Variants in DNAH12 observed in about 807,000 individuals in gnomAD.
DNAH12 encodes the protein dynein axonemal heavy chain 12, also known as axonemal beta dynein heavy chain 12.
DNAH12 carries 285 observed loss-of-function variants against 371.5 expected under a neutral mutation model. The ratio of observed to expected loss-of-function variants is 0.77; its 90% CI spans 0.70 to 0.85. The LOEUF (loss-of-function observed/expected upper bound fraction) is 0.85. DNAH12 is among the 40% of genes least tolerant of loss of function. The pLI is 0.00. For missense variants in DNAH12, 3,611 were observed against 3,689.4 expected, an observed-to-expected ratio of 0.98 and a Z score of 0.55; for synonymous variants, 1,200 against 1,213.0, an observed-to-expected ratio of 0.99 and a Z score of 0.22.
intron 38 of DNAH12, 118 bp from the exon 39 acceptor site, chr3:57,414,030 T>G (rs1286635819): frequency 7.3e-6 from 7 of 961,416 alleles, no homozygotes; most frequent in South Asian, 3.6e-5. Flanking sequence ...CCATGGGATT[T>G]TTACCAGTAA....
chr3:57,415,606 AG>A, intron 37 of DNAH12, 42 bp from the exon 38 acceptor site: 1 of 1,499,728 alleles, frequency 6.7e-7, no homozygotes, highest in Non-Finnish European at 8.9e-7. Context: ...ATGGAAAAAA[AG>A]TCAGAATACA....
intron 43 of DNAH12, among the ~76,000 whole-genome samples, chr3:57,403,057 A>T (rs1323667727): frequency 6.6e-6 from 1 of 152,176 alleles, no homozygotes; most frequent in Non-Finnish European, 1.5e-5. Flanking sequence ...AGCTTCGGTA[A>T]AACACAGAGA....
chr3:57,393,226 G>A (rs1440964314), intron 44 of DNAH12, among the ~76,000 whole-genome samples: 1 of 152,196 alleles, frequency 6.6e-6, no homozygotes, highest in African/African-American at 2.4e-5. Context: ...CACTCCAGAT[G>A]TTATGGCTGG....
chr3:57,530,385 T>C, intron 2 of DNAH12: 1 of 528,536 alleles, frequency 1.9e-6, no homozygotes, highest in Non-Finnish European at 3.5e-6. Flanking sequence ...AAGATAAAAC[T>C]CCAACTCCCA....
At chr3:57,461,387 T>TA in intron 19 of DNAH12, 102 bp downstream of exon 19, 1 of 1,137,554 alleles carries the variant, frequency 8.8e-7, no homozygotes. Flanking sequence ...AATAAACACT[T>TA]AAAAAACCAT....
In DNAH12 at chr3:57,305,284, C is replaced by T. The variant is rs147129103; in HGVS notation, c.11190-3345G>A. On this transcript the variant is annotated intron_variant, in intron 69 of 73. Coordinates refer to ENST00000495027, the MANE Select transcript of DNAH12 (RefSeq NM_001366028.2). ...CTCTCCCCTCAATCCCAACCCCAAGCGTCGCTGAGTCTTTCTAATCTTCCT... is the reference window on the plus strand; with the variant it reads ...CTCTCCCCTCAATCCCAACCCCAAGTGTCGCTGAGTCTTTCTAATCTTCCT... 1.0e-3 allele frequency among the ~76,000 whole-genome samples: 152 copies of T among 152,140 alleles called. 1 individual carries two copies. Among genetic ancestry groups the T allele is most frequent in the African/African-American group, 3.2e-3 (131 of 41,514 alleles).
chr3:57,434,131 G>C (rs2065045868), intron 30 of DNAH12, among the ~76,000 whole-genome samples: 2 of 152,108 alleles, frequency 1.3e-5, no homozygotes, highest in Admixed American at 6.6e-5. Flanking sequence ...GGAGAGAACT[G>C]GGAAAGATTT....
At chr3:57,312,606 G>A (rs980692756) in intron 66 of DNAH12, among the ~76,000 whole-genome samples, 1 of 152,202 alleles carries the variant, frequency 6.6e-6, no homozygotes, top group African/African-American at 2.4e-5. Context: ...AGTTTCCAAT[G>A]TTGGGGCTAG....
At chr3:57,350,352 A>G (rs189249281) in intron 60 of DNAH12, among the ~76,000 whole-genome samples, 21 of 152,334 alleles carry the variant, frequency 1.4e-4, no homozygotes, top group African/African-American at 4.6e-4. Flanking sequence ...ACACATACAC[A>G]TTAATGGAAC....
At chr3:57,552,244 C>CAAA in the DNAH12 span, among the ~76,000 whole-genome samples, 1 of 132,018 alleles carries the variant, frequency 7.6e-6, no homozygotes. Context: ...GACTCCATCT[C>CAAA]AAAAAAAAAA....
intron 14 of DNAH12, 137 bp downstream of exon 14, chr3:57,472,409 A>G: frequency 9.4e-7 from 1 of 1,060,918 alleles, no homozygotes; most frequent in Non-Finnish European, 1.3e-6. Flanking sequence ...GAGGGCCATA[A>G]GTGTGGCCAG....
At chr3:57,482,005 G>A (rs2066761011) in intron 13 of DNAH12, among the ~76,000 whole-genome samples, 1 of 152,114 alleles carries the variant, frequency 6.6e-6, no homozygotes, top group Non-Finnish European at 1.5e-5. Flanking sequence ...CAGGACATAG[G>A]CATGGGCAAG....
chr3:57,295,647 G>T, intron 72 of DNAH12, 55 bp from the exon 73 acceptor site: 2 of 1,432,934 alleles, frequency 1.4e-6, no homozygotes, highest in Non-Finnish European at 1.9e-6. Flanking sequence ...TCACTTCTGA[G>T]AACAGATTGC....
At chr3:57,451,873 C>T (rs973788029) in intron 25 of DNAH12, among the ~76,000 whole-genome samples, 24 of 152,138 alleles carry the variant, frequency 1.6e-4, no homozygotes, top group Non-Finnish European at 1.5e-4. Context: ...GCTGTTTCCC[C>T]ATAAGATCTC....
At chr3:57,308,119 C>A (rs553364767) in intron 69 of DNAH12, among the ~76,000 whole-genome samples, 12 of 152,256 alleles carry the variant, frequency 7.9e-5, no homozygotes, top group Admixed American at 7.9e-4. Flanking sequence ...CTTGACATGC[C>A]CTGAGTCAGG....
chr3:57,310,701 T>C lies in DNAH12; in HGVS notation c.10896+16A>G, dbSNP rs750918202. On this transcript the variant is annotated intron_variant, in intron 67 of 73. Coordinates refer to ENST00000495027, the MANE Select transcript of DNAH12 (RefSeq NM_001366028.2). The stretch of plus-strand genomic sequence containing the variant: ...ATCACACATTAATCTAACCTTATTT[T>C]TGGTGACATCATTACCTTAATGAAT... 6.6e-7 allele frequency: 1 copy of C among 1,508,800 alleles called. No homozygotes were observed. Among genetic ancestry groups the C allele is most frequent in the South Asian group, 1.2e-5 (1 of 82,260 alleles). The allele number at this position is 1,508,800 out of a possible 1,614,324, so 93.5% of individuals were successfully genotyped here.
intron 4 of DNAH12, among the ~76,000 whole-genome samples, chr3:57,516,209 G>A (rs528307498): frequency 9.2e-5 from 14 of 151,752 alleles, no homozygotes; most frequent in South Asian, 2.1e-4. Context: ...GATTACAGGC[G>A]TGGGCCACCA....
At chr3:57,296,604 C>T (rs184734259) in intron 71 of DNAH12, among the ~76,000 whole-genome samples, 169 bp from the exon 72 acceptor site, 24 of 152,258 alleles carry the variant, frequency 1.6e-4, no homozygotes, top group African/African-American at 4.1e-4. Context: ...AAAAGTACTT[C>T]TTTTTGAAGT....
chr3:57,307,225 T>TA (rs770063712), intron 69 of DNAH12, among the ~76,000 whole-genome samples: 27 of 141,632 alleles, frequency 1.9e-4, no homozygotes, highest in Non-Finnish European at 2.4e-4. Flanking sequence ...CATGGTTAGA[T>TA]ACGACTTTAG....
Sources: gnomAD v4.1 joint callset for allele counts (sites outside exome capture counted in the v4.1 genomes callset) on GRCh38, gnomAD v4.1.1 for gene constraint, MANE v1.5 for transcripts, NCBI Gene and HGNC (gene_info 2026-07-23, HGNC 2026-07-21) for gene names.